The following XKR4 variants were observed in gnomAD, a reference collection of about 807,000 sequenced individuals.
The protein encoded by XKR4 is XK related 4, also known as XK-related protein 4.
XKR4 carries 12 observed loss-of-function variants against 53.9 expected under a neutral mutation model. That is an observed-to-expected ratio of 0.22 (90% CI 0.14 to 0.36). The LOEUF (loss-of-function observed/expected upper bound fraction) is 0.36, where lower values mean the gene tolerates loss of function less well. Ranked by LOEUF, XKR4 falls within the 10% of genes least tolerant of loss-of-function variation. The pLI, the probability that XKR4 is intolerant of heterozygous loss-of-function variation, is 1.00. For missense variants in XKR4, 799 were observed against 859.5 expected (o/e 0.93, Z 0.88); for synonymous variants, 354 against 362.4 (o/e 0.98, Z 0.26).
At chr8:55,188,167 G>C (rs1817403257) in intron 1 of XKR4, among the ~76,000 whole-genome samples, 1 of 152,106 alleles carries the variant, frequency 6.6e-6, no homozygotes, top group African/African-American at 2.4e-5. Context: ...ATATAGTTGA[G>C]TTACAACTAG....
intron 2 of XKR4, among the ~76,000 whole-genome samples, chr8:55,372,925 G>T (rs1427431524): frequency 3.3e-5 from 5 of 152,164 alleles, no homozygotes; most frequent in African/African-American, 7.2e-5. Context: ...AGATGCAAGG[G>T]GGTTGGGAAG....
intron 1 of XKR4, among the ~76,000 whole-genome samples, chr8:55,170,207 C>T (rs954750566): frequency 3.3e-5 from 5 of 152,144 alleles, no homozygotes; most frequent in Non-Finnish European, 5.9e-5. Flanking sequence ...CAAATATATT[C>T]GTATCCTAAT....
In XKR4 at chr8:55,289,695, G is replaced by GAAAGAAAGAGAA. The variant is rs778422703; in HGVS notation, c.807-67982_807-67981insAAGAAAGAGAAA. ...AAAGAAAGAGAAAGAAAGAAAGAAAGAGAAAGAAAGAAAGAAAGAGAGAGA... is the reference window on the plus strand; with the variant it reads ...AAAGAAAGAGAAAGAAAGAAAGAAAGAAAGAAAGAGAAAGAAAGAAAGAAAGAAAGAGAGAGA... On this transcript the variant is annotated intron_variant, in intron 1 of 2. Transcript: ENST00000327381. 1.8e-4 allele frequency among the ~76,000 whole-genome samples: 16 copies of GAAAGAAAGAGAA among 87,790 alleles called. No individual in the cohort carries two copies. In the East Asian group the frequency reaches 1.9e-3, roughly 10 times the overall value. The allele number at this position is 87,790 out of a possible 152,430, so 57.6% of individuals were successfully genotyped here.
At chr8:55,490,390 C>T (rs1473718877) in intron 2 of XKR4, among the ~76,000 whole-genome samples, 1 of 152,088 alleles carries the variant, frequency 6.6e-6, no homozygotes, top group African/African-American at 2.4e-5. Context: ...AATGGGTGCT[C>T]ATGGACATAA....
chr8:55,205,296 A>G (rs1382590918), intron 1 of XKR4, among the ~76,000 whole-genome samples: 6 of 152,126 alleles, frequency 3.9e-5, no homozygotes, highest in Non-Finnish European at 8.8e-5. Context: ...CTGACATTTT[A>G]TTTTGTTTTG....
At chr8:55,291,002 T>G (rs1737245147) in intron 1 of XKR4, among the ~76,000 whole-genome samples, 1 of 152,216 alleles carries the variant, frequency 6.6e-6, no homozygotes, top group Non-Finnish European at 1.5e-5. Context: ...AGTTTAATCA[T>G]TTCATGTTTT....
At chr8:55,508,807 A>T (rs1327805286) in intron 2 of XKR4, among the ~76,000 whole-genome samples, 1 of 152,256 alleles carries the variant, frequency 6.6e-6, no homozygotes, top group Non-Finnish European at 1.5e-5. Context: ...GTGAAAATGA[A>T]TGGAGTCATC....
chr8:55,363,605 C>A (rs1803933107), intron 2 of XKR4, among the ~76,000 whole-genome samples: 1 of 152,150 alleles, frequency 6.6e-6, no homozygotes, highest in African/African-American at 2.4e-5. Flanking sequence ...CATCGCGAAG[C>A]AGGTGGAGAC....
intron 1 of XKR4, among the ~76,000 whole-genome samples, chr8:55,278,449 C>A (rs543277569): frequency 6.6e-6 from 1 of 151,792 alleles, no homozygotes; most frequent in South Asian, 2.1e-4. Flanking sequence ...TATCTTCACA[C>A]AATTTTTGTC....
At chr8:55,296,063 G>A (rs1585993752) in intron 1 of XKR4, among the ~76,000 whole-genome samples, 1 of 152,100 alleles carries the variant, frequency 6.6e-6, no homozygotes, top group African/African-American at 2.4e-5. Flanking sequence ...TCTAAAGCTG[G>A]TATGGGGCTG....
chr8:55,258,031 G>A (rs549547126), intron 1 of XKR4, among the ~76,000 whole-genome samples: 1 of 152,312 alleles, frequency 6.6e-6, no homozygotes, highest in East Asian at 1.9e-4. Context: ...TGAGTCCTGA[G>A]CTGGTGACCC....
intron 1 of XKR4, among the ~76,000 whole-genome samples, chr8:55,265,855 T>G (rs981042540): frequency 1.1e-4 from 16 of 151,264 alleles, no homozygotes; most frequent in East Asian, 3.9e-4. Context: ...TGTGGTGGCA[T>G]GCACCTGTAG....
chr8:55,342,136 ACTCTATCTTTCCAGGAG>A (rs143690654), intron 1 of XKR4, among the ~76,000 whole-genome samples: 2,453 of 151,466 alleles, frequency 0.016, 29 homozygotes, highest in Middle Eastern at 0.034. Flanking sequence ...GTAAATGGCA[ACTCTATCTTTCCAGGAG>A]CTCAGGGCAA....
rs1172376380 is a variant in XKR4 at position 55,532,986 on chromosome 8, A to T, written c.*8759A>T. 1 of 152,214 alleles carries T rather than the reference A, an allele frequency of 6.6e-6. No individual in the cohort carries two copies. Among genetic ancestry groups the T allele is most frequent in the Non-Finnish European group, 1.5e-5 (1 of 68,036 alleles). The allele number at this position is 152,214 out of a possible 1,614,324, so 9.4% of individuals were successfully genotyped here. On this transcript the variant is annotated 3_prime_UTR_variant, in exon 3 of 3. Transcript: ENST00000327381. ...GATGGAGATGTGGTTAAGCTAATTT[A>T]ATTTACCTATTCTAGTGGCATTCTG... is the stretch of plus-strand genomic sequence containing the variant.
chr8:55,481,206 T>G lies in XKR4; in HGVS notation c.1007-42075T>G, dbSNP rs186458704. On this transcript the variant is annotated intron_variant, in intron 2 of 2. Transcript: ENST00000327381. ...GTACTGGTACAAAACAGATATAAGATCAACAAAACAGAACAGAGCCCTTAG... is the reference window on the plus strand; with the variant it reads ...GTACTGGTACAAAACAGATATAAGAGCAACAAAACAGAACAGAGCCCTTAG... Among the ~76,000 whole-genome samples, 9 of 151,862 alleles carry G rather than the reference T, an allele frequency of 5.9e-5. No individual in the cohort carries two copies. The East Asian group carries it at 1.6e-3, about 26-fold the overall frequency.
chr8:55,284,949 A>G (rs1384012645), intron 1 of XKR4, among the ~76,000 whole-genome samples: 2 of 152,202 alleles, frequency 1.3e-5, no homozygotes, highest in Admixed American at 6.5e-5. Context: ...CCAGTAATTC[A>G]AATGCTACTC....
chr8:55,308,668 A>T (rs1819345396), intron 1 of XKR4, among the ~76,000 whole-genome samples: 1 of 152,190 alleles, frequency 6.6e-6, no homozygotes, highest in African/African-American at 2.4e-5. Flanking sequence ...TATATCAGAA[A>T]AATGAAAATT....
Position 55,289,715 on chromosome 8 carries a change from G to A in XKR4, c.807-67963G>A, listed in dbSNP as rs575584987. ...AGAAAGAGAAAGAAAGAAAGAAAGA[G>A]AGAGAAAGAGAAAGAAAGAAAGAAA... is the stretch of plus-strand genomic sequence containing the variant. On this transcript the variant is annotated intron_variant, in intron 1 of 2. Transcript: ENST00000327381. Among the ~76,000 whole-genome samples the A allele has an allele frequency of 2.6e-4, 19 of 72,704 alleles. 1 individual carries two copies. The highest frequency in any genetic ancestry group is 4.2e-4 in the Admixed American group (3 of 7,074). 47.7% of individuals were successfully genotyped at this position (72,704 alleles called of 152,430 possible). A position where few individuals can be genotyped will look rare whatever the true frequency, so the allele number is the denominator to read the frequency against.
In XKR4 at chr8:55,523,631, A is replaced by G. The variant is rs757263321; in HGVS notation, c.1357A>G (p.Thr453Ala). The G allele has an allele frequency of 6.2e-7, 1 of 1,614,210 alleles. No individual in the cohort carries two copies. Among genetic ancestry groups the G allele is most frequent in the African/African-American group, 1.3e-5 (1 of 75,056 alleles). Residue 453 changes from threonine (T) to alanine (A), a missense_variant, in exon 3 of 3, where the codon ACA (threonine) becomes GCA (alanine). Physicochemically the swap from Thr to Ala is moderately conservative, Grantham distance 58. Transcript: ENST00000327381. ...FSWFNVKEGR[T>A]RCRLFIYYFV... ...TTGGTTCAATGTCAAGGAAGGCAGG[A>G]CACGCTGCAGGCTATTCATTTACTA...
Sources: allele counts gnomAD v4.1 joint callset (sites outside exome capture counted in the v4.1 genomes callset), GRCh38; gene constraint gnomAD v4.1.1; transcripts MANE v1.5; gene names NCBI Gene and HGNC (gene_info 2026-07-23, HGNC 2026-07-21).